The following DIP2C variants were observed in gnomAD, a reference collection of about 807,000 sequenced individuals.
DIP2C encodes the protein DIP2 acetate--CoA ligase C (putative).
A neutral mutation model predicts 192.4 loss-of-function variants in DIP2C; 33 were observed. The observed-to-expected ratio is 0.17, with a 90% CI of 0.13 to 0.23. DIP2C has a LOEUF of 0.23. Ranked by LOEUF, DIP2C falls within the 10% of genes least tolerant of loss-of-function variation. The pLI, the probability that DIP2C is intolerant of heterozygous loss-of-function variation, is 1.00. For missense variants in DIP2C, 1,537 were observed against 2,110.1 expected (o/e 0.73, Z 5.32); for synonymous variants, 979 against 864.1 (o/e 1.13, Z -2.33).
chr10:393,649 C>A (rs932860172), intron 10 of DIP2C, among the ~76,000 whole-genome samples: 1 of 151,916 alleles, frequency 6.6e-6, no homozygotes, highest in Non-Finnish European at 1.5e-5. Context: ...TGCCATGGTA[C>A]GCGCCTGTAA....
chr10:357,842 CGTT>C lies in DIP2C; in HGVS notation c.2887_2889del (p.Asn963del). Reference sequence around the variant, plus strand: ...CCAGCTCCTACCTTGCGTGCCTGGTCGTTATCTTCGATCTGACCCAGGTCTCTG... The same window carrying C: ...CCAGCTCCTACCTTGCGTGCCTGGTCATCTTCGATCTGACCCAGGTCTCTG... On this transcript the variant is annotated inframe_deletion, in exon 23 of 37. Transcript: ENST00000280886. 6.2e-7 allele frequency: 1 copy of C among 1,612,326 alleles called. No individual in the cohort carries two copies. The highest frequency in any genetic ancestry group is 8.5e-7 in the Non-Finnish European group (1 of 1,179,724).
intron 1 of DIP2C, among the ~76,000 whole-genome samples, chr10:650,616 T>C (rs1276524153): frequency 6.6e-6 from 1 of 152,152 alleles, no homozygotes; most frequent in African/African-American, 2.4e-5. Flanking sequence ...AGGCAGCACC[T>C]TCCACCTGCC....
At chr10:546,953 C>G (rs1056524047) in intron 1 of DIP2C, among the ~76,000 whole-genome samples, 1 of 152,160 alleles carries the variant, frequency 6.6e-6, no homozygotes, top group African/African-American at 2.4e-5. Flanking sequence ...ATTTTTCAGG[C>G]CACACCTGCA....
At chr10:679,630 ATGCTCCCCACACCCG>A (rs1406759667) in intron 1 of DIP2C, among the ~76,000 whole-genome samples, 2 of 82,240 alleles carry the variant, frequency 2.4e-5, no homozygotes, top group African/African-American at 4.8e-5. Context: ...CCCTATGCCC[ATGCTCCCCACACCCG>A]TGCTCCCCGC....
intron 1 of DIP2C, among the ~76,000 whole-genome samples, chr10:537,271 C>G (rs1847742957): frequency 6.6e-6 from 1 of 152,138 alleles, no homozygotes; most frequent in Admixed American, 6.5e-5. Flanking sequence ...TGCACAGCTC[C>G]CCAGACCTGA....
chr10:320,983 C>A (rs996394354), intron 31 of DIP2C, among the ~76,000 whole-genome samples: 13 of 148,934 alleles, frequency 8.7e-5, no homozygotes, highest in Non-Finnish European at 1.5e-5. Context: ...AGAGGAGAGT[C>A]CATCCAGGCC....
At chr10:593,339 G>C (rs1053465028) in intron 1 of DIP2C, among the ~76,000 whole-genome samples, 4 of 152,108 alleles carry the variant, frequency 2.6e-5, no homozygotes, top group African/African-American at 9.7e-5. Context: ...TTACCCCAGA[G>C]AGTCCCAATT....
chr10:401,938 C>T (rs1213936027), intron 9 of DIP2C, among the ~76,000 whole-genome samples: 1 of 149,426 alleles, frequency 6.7e-6, no homozygotes, highest in South Asian at 2.2e-4. Flanking sequence ...CGTTACTCTT[C>T]CTTATGGACA....
intron 31 of DIP2C, among the ~76,000 whole-genome samples, chr10:314,878 C>T (rs1206258097): frequency 6.6e-6 from 1 of 152,202 alleles, no homozygotes; most frequent in Non-Finnish European, 1.5e-5. Flanking sequence ...GATTATAGTT[C>T]AACACAGAAG....
At chr10:307,999 C>A (rs576241044) in intron 32 of DIP2C, among the ~76,000 whole-genome samples, 2 of 134,392 alleles carry the variant, frequency 1.5e-5, no homozygotes, top group African/African-American at 5.9e-5. Flanking sequence ...GGTGCCTGGG[C>A]GGGGCCCAGC....
In DIP2C at chr10:597,666, G is replaced by A. The variant is rs186783508; in HGVS notation, c.85+91828C>T. 3.2e-3 allele frequency among the ~76,000 whole-genome samples: 481 copies of A among 152,292 alleles called. 5 individuals are homozygous for A. Among genetic ancestry groups the A allele is most frequent in the African/African-American group, 0.011 (457 of 41,560 alleles). On this transcript the variant is annotated intron_variant, in intron 1 of 36. Transcript: ENST00000280886. ...TTGTTTCATGATTTGCTCTTAATAC[G>A]TAAGAAATCATAAAAGTAGGCCTAC...
chr10:364,715 C>T (rs772398884), intron 19 of DIP2C, 133 bp from the exon 20 acceptor site: 78 of 1,014,360 alleles, frequency 7.7e-5, no homozygotes, highest in Middle Eastern at 2.6e-4. Flanking sequence ...GCCCTAGGGC[C>T]GAGGTCACAG....
At chr10:688,774 G>A (rs1831425669) in intron 1 of DIP2C, among the ~76,000 whole-genome samples, 1 of 152,230 alleles carries the variant, frequency 6.6e-6, no homozygotes, top group Non-Finnish European at 1.5e-5. Flanking sequence ...AGACCGCGGT[G>A]GCTGATCTGC....
chr10:463,489 GAA>G lies in DIP2C; in HGVS notation c.268+8948_268+8949del, dbSNP rs1200538395. 5.3e-5 allele frequency among the ~76,000 whole-genome samples: 8 copies of G among 152,066 alleles called. No individual in the cohort carries two copies. The South Asian group carries it at 6.2e-4, about 12-fold the overall frequency. On this transcript the variant is annotated intron_variant, in intron 3 of 36. Transcript: ENST00000280886. ...AACTATAAACCACTGCTCAAGGAAAGAAGAGAAGACACAAACAAATGGAAAAT... is the reference window on the plus strand; with the variant it reads ...AACTATAAACCACTGCTCAAGGAAAGGAGAAGACACAAACAAATGGAAAAT...
At chr10:612,691 T>C (rs192489924) in intron 1 of DIP2C, among the ~76,000 whole-genome samples, 7 of 152,286 alleles carry the variant, frequency 4.6e-5, no homozygotes, top group Admixed American at 1.3e-4. Context: ...TTCACAGCCG[T>C]TTACTCCGCC....
In DIP2C at chr10:373,058, G is replaced by A. The variant is rs897166890; in HGVS notation, c.1992-3425C>T. Among the ~76,000 whole-genome samples, 8 of 152,174 alleles carry A rather than the reference G, an allele frequency of 5.3e-5. No homozygotes were observed. In the East Asian group the frequency reaches 1.2e-3, roughly 22 times the overall value. On this transcript the variant is annotated intron_variant, in intron 17 of 36. Transcript: ENST00000280886. ...TCCTCACTTTCAGATGAGAAGATTC[G>A]GGCACAGAAAGGTTGACTTCACTGC... is the stretch of plus-strand genomic sequence containing the variant.
At position 390,351 on chromosome 10, in the gene DIP2C, A is replaced by C. The variant is rs1382279953; in HGVS notation, c.1407T>G (p.Phe469Leu). ...QFKGWPKLLWFVTESKHLSKP... is the reference protein window; with the variant it reads ...QFKGWPKLLWLVTESKHLSKP... ...TGGAGAGATGTTTAGACTCTGTGAC[A>C]AACCACAGCAGCTTTGGCCAACCTT... Residue 469 changes from phenylalanine (F) to leucine (L), a missense_variant, in exon 12 of 37, where the codon TTT becomes TTG. By Grantham distance (22) the Phe-to-Leu change is conservative. Transcript: ENST00000280886. 6.2e-7 allele frequency: 1 copy of C among 1,613,900 alleles called. No homozygotes were observed. Among genetic ancestry groups the C allele is most frequent in the East Asian group, 2.2e-5 (1 of 44,880 alleles).
In DIP2C at chr10:274,491, G is replaced by A. The variant is rs1014119042; in HGVS notation, c.*2834C>T. On this transcript the variant is annotated 3_prime_UTR_variant, in exon 37 of 37. Coordinates refer to ENST00000280886, the MANE Select transcript of DIP2C (RefSeq NM_014974.3). ...GCAACAAAAATAAAAGCTTTTATTT[G>A]TTCATTTGAATATAAAACAGGCGTT... The A allele has an allele frequency of 2.6e-5, 4 of 152,160 alleles. No individual in the cohort carries two copies. Among genetic ancestry groups the A allele is most frequent in the South Asian group, 4.1e-4 (2 of 4,832 alleles). 9.4% of individuals were successfully genotyped at this position (152,160 alleles called of 1,614,324 possible).
intron 1 of DIP2C, among the ~76,000 whole-genome samples, chr10:490,182 C>G (rs1206134349): frequency 8.5e-6 from 1 of 117,874 alleles, no homozygotes; most frequent in African/African-American, 2.9e-5. Flanking sequence ...CATTTCACAC[C>G]AGGGACACGG....
Sources: gnomAD v4.1 joint callset for allele counts (sites outside exome capture counted in the v4.1 genomes callset) on GRCh38, gnomAD v4.1.1 for gene constraint, MANE v1.5 for transcripts, NCBI Gene and HGNC (gene_info 2026-07-23, HGNC 2026-07-21) for gene names.